The following FRMD3 variants were observed in gnomAD, a reference collection of about 807,000 sequenced individuals.
The protein encoded by FRMD3 is FERM domain containing 3.
A neutral mutation model predicts 70.2 loss-of-function variants in FRMD3; 33 were observed. The ratio of observed to expected loss-of-function variants is 0.47; its 90% CI spans 0.36 to 0.63. The LOEUF (loss-of-function observed/expected upper bound fraction) is 0.63, where lower values mean the gene tolerates loss of function less well. Among genes scored for constraint, FRMD3 ranks in the 20% least tolerant of loss-of-function variants. The pLI is 0.00. For missense variants in FRMD3, 632 were observed against 711.4 expected, an observed-to-expected ratio of 0.89 and a Z score of 1.27; for synonymous variants, 279 against 255.9, an observed-to-expected ratio of 1.09 and a Z score of -0.86.
Position 83,430,013 on chromosome 9 carries a change from G to A in FRMD3, c.148-40305C>T, listed in dbSNP as rs142309003. On this transcript the variant is annotated intron_variant, in intron 1 of 13. Coordinates refer to ENST00000304195, the MANE Select transcript of FRMD3 (RefSeq NM_174938.6). ...GCCAGTTTCTTAGAATTCGGATATC[G>A]TAATCATCATGAACTCCTTTGTTCC... Among the ~76,000 whole-genome samples, 27 of 152,252 alleles carry A rather than the reference G, an allele frequency of 1.8e-4. 1 individual carries two copies. The East Asian group carries it at 3.9e-3, about 22-fold the overall frequency.
At chr9:83,324,577 G>A (rs772587395) in intron 6 of FRMD3, among the ~76,000 whole-genome samples, 28 of 151,936 alleles carry the variant, frequency 1.8e-4, no homozygotes, top group Middle Eastern at 3.2e-3. Context: ...GAAATATTAC[G>A]CAGTCCACAA....
At chr9:83,268,339 A>C (rs775512606) in intron 13 of FRMD3, among the ~76,000 whole-genome samples, 1 of 152,238 alleles carries the variant, frequency 6.6e-6, no homozygotes, top group Non-Finnish European at 1.5e-5. Context: ...AATTAGCAAA[A>C]TACATGGATT....
At position 83,258,012 on chromosome 9, in the gene FRMD3, G is replaced by A. The variant is rs867111277; in HGVS notation, c.1196-9496C>T. 2.6e-5 allele frequency among the ~76,000 whole-genome samples: 4 copies of A among 152,122 alleles called. No individual in the cohort carries two copies. The South Asian group carries it at 8.3e-4, about 32-fold the overall frequency. On this transcript the variant is annotated intron_variant, in intron 13 of 13. Transcript: ENST00000304195. The stretch of plus-strand genomic sequence containing the variant: ...GCATTATTTAATTTGAAGAAATACT[G>A]TATAAAATGAAACTGCAATAATCAA...
upstream of FRMD3, among the ~76,000 whole-genome samples, chr9:83,540,140 G>A (rs1829982522): frequency 6.6e-6 from 1 of 152,174 alleles, no homozygotes; most frequent in African/African-American, 2.4e-5. Context: ...GCTGTAATCT[G>A]TAAATCCCCA....
chr9:83,245,340 T>C lies in FRMD3; in HGVS notation c.*2578A>G. Reference sequence around the variant, plus strand: ...TCGATTCAGGCAACTGGTGACTATCTTCTAACAAAACTTAAATGGATGTTT... The same window carrying C: ...TCGATTCAGGCAACTGGTGACTATCCTCTAACAAAACTTAAATGGATGTTT... On this transcript the variant is annotated 3_prime_UTR_variant, in exon 14 of 14. Coordinates refer to ENST00000304195, the MANE Select transcript of FRMD3 (RefSeq NM_174938.6). 1.0e-6 allele frequency: 1 copy of C among 985,420 alleles called. No individual in the cohort carries two copies. Among genetic ancestry groups the C allele is most frequent in the Non-Finnish European group, 1.2e-6 (1 of 829,910 alleles). The allele number at this position is 985,420 out of a possible 1,614,324, so 61.0% of individuals were successfully genotyped here.
At chr9:83,572,130 G>C in the FRMD3 span, among the ~76,000 whole-genome samples, 1 of 150,932 alleles carries the variant, frequency 6.6e-6, no homozygotes, top group African/African-American at 2.5e-5. Flanking sequence ...GCAATAGATA[G>C]ATGGTGAAGT....
In FRMD3 at chr9:83,437,711, G is replaced by A. The variant is rs111437602; in HGVS notation, c.148-48003C>T. On this transcript the variant is annotated intron_variant, in intron 1 of 13. Transcript: ENST00000304195. ...CAGCTGAGATTGAGCCTATAAACCA[G>A]GCACACAGACGTGGGTCTTCCATGG... 6.0e-3 allele frequency among the ~76,000 whole-genome samples: 919 copies of A among 152,214 alleles called. 11 individuals carry two copies. Among genetic ancestry groups the A allele is most frequent in the African/African-American group, 0.02 (846 of 41,536 alleles).
At chr9:83,385,532 A>T (rs1407994360) in intron 2 of FRMD3, among the ~76,000 whole-genome samples, 1 of 152,222 alleles carries the variant, frequency 6.6e-6, no homozygotes, top group Non-Finnish European at 1.5e-5. Flanking sequence ...CTTGCCAAAC[A>T]TATGGTGTTC....
At chr9:83,392,111 G>T (rs1462621722) in intron 1 of FRMD3, among the ~76,000 whole-genome samples, 2 of 150,848 alleles carry the variant, frequency 1.3e-5, no homozygotes, top group Non-Finnish European at 2.9e-5. Flanking sequence ...CTTGAGAATT[G>T]TCTCTTCCTT....
chr9:83,419,619 G>C (rs1169104150), intron 1 of FRMD3, among the ~76,000 whole-genome samples: 1 of 151,696 alleles, frequency 6.6e-6, no homozygotes, highest in Non-Finnish European at 1.5e-5. Context: ...ATATGTGTGT[G>C]TTCATGTGCG....
intron 12 of FRMD3, among the ~76,000 whole-genome samples, chr9:83,294,743 T>C (rs1383314137): frequency 6.6e-6 from 1 of 152,208 alleles, no homozygotes; most frequent in Non-Finnish European, 1.5e-5. Flanking sequence ...ATCTGATTCC[T>C]GGTCCAAGGC....
chr9:83,407,873 C>CTCTCTCT (rs1564062738), intron 1 of FRMD3, among the ~76,000 whole-genome samples: 1 of 91,896 alleles, frequency 1.1e-5, no homozygotes, highest in African/African-American at 6.2e-5. Flanking sequence ...CTCTCTCTCT[C>CTCTCTCT]ATCTTTCTCT....
At chr9:83,384,185 C>A (rs3860911) in intron 2 of FRMD3, among the ~76,000 whole-genome samples, 1 of 152,034 alleles carries the variant, frequency 6.6e-6, no homozygotes, top group African/African-American at 2.4e-5. Context: ...CCTTTTGAAA[C>A]GTAAACAAAA....
At chr9:83,500,092 G>A (rs904156744) in intron 1 of FRMD3, among the ~76,000 whole-genome samples, 1 of 152,072 alleles carries the variant, frequency 6.6e-6, no homozygotes, top group Non-Finnish European at 1.5e-5. Flanking sequence ...GGAGAAGAAC[G>A]GAGGGATGAA....
At chr9:83,481,172 C>T (rs1828560206) in intron 1 of FRMD3, among the ~76,000 whole-genome samples, 1 of 152,170 alleles carries the variant, frequency 6.6e-6, no homozygotes, top group African/African-American at 2.4e-5. Flanking sequence ...TTAGATGTCA[C>T]TTTACTGTTA....
At chr9:83,265,381 C>T (rs1430871496) in intron 13 of FRMD3, among the ~76,000 whole-genome samples, 1 of 108,400 alleles carries the variant, frequency 9.2e-6, no homozygotes, top group Non-Finnish European at 1.7e-5. Context: ...GCCTGGGCAA[C>T]AGAGCGAGAC....
intron 1 of FRMD3, among the ~76,000 whole-genome samples, chr9:83,446,497 A>G (rs896148495): frequency 6.6e-5 from 10 of 151,480 alleles, no homozygotes; most frequent in African/African-American, 2.2e-4. Flanking sequence ...AATACAAAAA[A>G]TTAGCCGGGC....
intron 6 of FRMD3, among the ~76,000 whole-genome samples, chr9:83,333,356 C>T (rs1276705666): frequency 2.0e-5 from 3 of 152,156 alleles, no homozygotes; most frequent in African/African-American, 7.2e-5. Context: ...TTGATCAAAC[C>T]ACAGAACTTA....
At chr9:83,418,741 A>G (rs1166693115) in intron 1 of FRMD3, among the ~76,000 whole-genome samples, 1 of 152,244 alleles carries the variant, frequency 6.6e-6, no homozygotes, top group Non-Finnish European at 1.5e-5. Flanking sequence ...AAGAACTAAA[A>G]GTAGAACTAA....
Sources: allele counts gnomAD v4.1 joint callset (sites outside exome capture counted in the v4.1 genomes callset), GRCh38; gene constraint gnomAD v4.1.1; transcripts MANE v1.5; gene names NCBI Gene and HGNC (gene_info 2026-07-23, HGNC 2026-07-21).